Variants in PPFIBP2 observed in about 807,000 individuals in gnomAD.
PPFIBP2 encodes the protein PPFIB scaffold protein 2.
In PPFIBP2, 118 loss-of-function variants were observed where a neutral mutation model predicts 118.3. The ratio of observed to expected loss-of-function variants is 1.00; its 90% CI spans 0.86 to 1.16. PPFIBP2 has a LOEUF of 1.16. PPFIBP2 is among the 50% of genes most tolerant of loss of function. PPFIBP2 has a pLI of 0.00. For missense variants in PPFIBP2, 1,195 were observed against 1,073.1 expected (o/e 1.11, Z -1.59); for synonymous variants, 414 against 397.4 (o/e 1.04, Z -0.50).
chr11:7,656,687 A>T (rs1371320108), downstream of PPFIBP2: 6 of 1,287,012 alleles, frequency 4.7e-6, no homozygotes, highest in Non-Finnish European at 6.1e-6. Context: ...GCCTGGACCA[A>T]AACTCTATTA....
chr11:7,541,651 A>G (rs1851795524), intron 1 of PPFIBP2, among the ~76,000 whole-genome samples: 1 of 152,148 alleles, frequency 6.6e-6, no homozygotes, highest in African/African-American at 2.4e-5. Flanking sequence ...AATTGCTTAA[A>G]TACATCTTTA....
intron 11 of PPFIBP2, among the ~76,000 whole-genome samples, chr11:7,631,403 C>G (rs1376595994): frequency 1.3e-5 from 2 of 152,138 alleles, no homozygotes; most frequent in Non-Finnish European, 2.9e-5. Flanking sequence ...TAGAATTCAA[C>G]AAATATTTGT....
At chr11:7,573,043 G>C (rs1233225269) in intron 3 of PPFIBP2, among the ~76,000 whole-genome samples, 1 of 152,232 alleles carries the variant, frequency 6.6e-6, no homozygotes, top group African/African-American at 2.4e-5. Context: ...GCCTCCGAAA[G>C]TGCTGGGAAT....
intron 1 of PPFIBP2, among the ~76,000 whole-genome samples, chr11:7,523,336 G>T (rs925867784): frequency 5.3e-5 from 8 of 152,154 alleles, no homozygotes; most frequent in African/African-American, 1.9e-4. Flanking sequence ...GAAGAGCCAG[G>T]TTTATGAATG....
chr11:7,663,484 T>C, the PPFIBP2 span, among the ~76,000 whole-genome samples: 1 of 152,208 alleles, frequency 6.6e-6, no homozygotes, highest in Admixed American at 6.5e-5. Context: ...AGGGACCCAC[T>C]TGAGGAGGCA....
intron 5 of PPFIBP2, chr11:7,606,001 C>CG (rs1395390974): frequency 6.5e-7 from 1 of 1,534,786 alleles, no homozygotes; most frequent in African/African-American, 1.4e-5. Flanking sequence ...ATTGAGGAGA[C>CG]GGAGTGCGCC....
chr11:7,645,041 A>C (rs866724057), intron 17 of PPFIBP2, among the ~76,000 whole-genome samples: 3,371 of 135,324 alleles, frequency 0.025, 56 homozygotes, highest in Non-Finnish European at 0.041. Context: ...AAAAAAAAAA[A>C]AAAAAAAAAA....
At chr11:7,548,290 A>G (rs1040912339) in intron 1 of PPFIBP2, 2 of 152,222 alleles carry the variant, frequency 1.3e-5, no homozygotes, top group African/African-American at 4.8e-5. Flanking sequence ...CTCTGAAGCC[A>G]TTCCTGGGTG....
At chr11:7,523,875 G>A (rs974785531) in intron 1 of PPFIBP2, among the ~76,000 whole-genome samples, 2 of 152,186 alleles carry the variant, frequency 1.3e-5, no homozygotes, top group African/African-American at 4.8e-5. Flanking sequence ...GTTTAGTGGG[G>A]ATACTCTTGT....
intron 5 of PPFIBP2, among the ~76,000 whole-genome samples, chr11:7,601,685 C>T (rs954324195): frequency 6.6e-5 from 10 of 152,156 alleles, no homozygotes; most frequent in South Asian, 2.1e-4. Flanking sequence ...CTCGGCCAGG[C>T]GCTGTGGCTC....
intron 5 of PPFIBP2, among the ~76,000 whole-genome samples, chr11:7,600,578 G>A (rs1861253171): frequency 6.6e-6 from 1 of 152,222 alleles, no homozygotes; most frequent in Non-Finnish European, 1.5e-5. Flanking sequence ...CTTTCTGCCA[G>A]CCTCAGAAAC....
At chr11:7,568,443 C>A (rs556654267) in intron 3 of PPFIBP2, among the ~76,000 whole-genome samples, 8 of 152,206 alleles carry the variant, frequency 5.3e-5, no homozygotes, top group Non-Finnish European at 1.0e-4. Flanking sequence ...GGTAGAGAAT[C>A]ATTTCTTTAG....
At chr11:7,620,902 A>C (rs1383978593) in intron 6 of PPFIBP2, 33 bp from the exon 7 acceptor site, 1 of 1,494,344 alleles carries the variant, frequency 6.7e-7, no homozygotes, top group Non-Finnish European at 9.3e-7. Context: ...TCTTTTAACC[A>C]TCAGAACTTT....
chr11:7,665,902 A>C, the PPFIBP2 span: 1 of 1,536,124 alleles, frequency 6.5e-7, no homozygotes, highest in Non-Finnish European at 8.7e-7. Context: ...ACTGCGCAGA[A>C]TTGCTCAGTA....
chr11:7,649,723 A>C, intron 21 of PPFIBP2, 69 bp downstream of exon 21: 1 of 1,588,814 alleles, frequency 6.3e-7, no homozygotes. Context: ...AGCATGAGCA[A>C]ACAAGAATGA....
intron 1 of PPFIBP2, among the ~76,000 whole-genome samples, chr11:7,529,633 C>T (rs1305559373): frequency 1.3e-5 from 2 of 152,234 alleles, no homozygotes; most frequent in African/African-American, 2.4e-5. Context: ...CTTGGCCCTT[C>T]CCCTCCCTAA....
chr11:7,639,400 G>T (rs1353550998), intron 14 of PPFIBP2, among the ~76,000 whole-genome samples: 1 of 152,172 alleles, frequency 6.6e-6, no homozygotes, highest in Non-Finnish European at 1.5e-5. Context: ...GTAATTCACG[G>T]CTGTTAATTC....
chr11:7,616,034 A>G lies in PPFIBP2; in HGVS notation c.619-4901A>G, dbSNP rs1848601258. On this transcript the variant is annotated intron_variant, in intron 6 of 23. Coordinates refer to ENST00000299492, the MANE Select transcript of PPFIBP2 (RefSeq NM_003621.5). This position sits in a 1 kb window ranked among gnomAD's most constrained non-coding sequence, Gnocchi z 5.2. Reference sequence around the variant, plus strand: ...CAGAGGGGCTTCTACAAAAGGCAGAAAGGACATATGCTAAAGACAAAAGTG... The same window carrying G: ...CAGAGGGGCTTCTACAAAAGGCAGAGAGGACATATGCTAAAGACAAAAGTG... Among the ~76,000 whole-genome samples the G allele has an allele frequency of 6.6e-6, 1 of 152,232 alleles. No individual in the cohort carries two copies. Among genetic ancestry groups the G allele is most frequent in the Admixed American group, 6.5e-5 (1 of 15,282 alleles).
intron 1 of PPFIBP2, among the ~76,000 whole-genome samples, chr11:7,524,942 T>C (rs995471138): frequency 2.6e-5 from 4 of 152,208 alleles, no homozygotes; most frequent in Non-Finnish European, 4.4e-5. Context: ...CCAAGACATC[T>C]GGTTCTTGGA....
Sources: gnomAD v4.1 joint callset for allele counts (sites outside exome capture counted in the v4.1 genomes callset) on GRCh38, gnomAD v4.1.1 for gene constraint, Gnocchi (gnomAD v3.1) non-coding constraint, MANE v1.5 for transcripts, NCBI Gene and HGNC (gene_info 2026-07-23, HGNC 2026-07-21) for gene names.